PHACTR4: variants seen among roughly 807,000 people sequenced by gnomAD.
PHACTR4 encodes the protein protein phosphatase 1, regulatory subunit 124.
In PHACTR4, 51 loss-of-function variants were observed where a neutral mutation model predicts 72.7. The ratio of observed to expected loss-of-function variants is 0.70; its 90% CI spans 0.56 to 0.89. PHACTR4 has a LOEUF of 0.89. PHACTR4 is among the 40% of genes least tolerant of loss of function. The pLI is 0.00. For synonymous variants in PHACTR4, 255 were observed against 302.5 expected (o/e 0.84, Z 1.63); for missense variants, 731 against 861.8 (o/e 0.85, Z 1.90).
intron 1 of PHACTR4, among the ~76,000 whole-genome samples, chr1:28,406,435 A>G (rs536691919): frequency 6.6e-6 from 1 of 152,304 alleles, no homozygotes; most frequent in African/African-American, 2.4e-5. Flanking sequence ...AGGGGGAAAA[A>G]AAAAGCCAAG....
chr1:28,483,711 A>T (rs1025996159), intron 9 of PHACTR4, among the ~76,000 whole-genome samples: 3 of 147,906 alleles, frequency 2.0e-5, no homozygotes, highest in Non-Finnish European at 3.0e-5. Flanking sequence ...AGGCAGGAGA[A>T]TGGCATGAAC....
intron 2 of PHACTR4, among the ~76,000 whole-genome samples, chr1:28,450,617 G>A (rs540578935): frequency 6.6e-6 from 1 of 151,172 alleles, no homozygotes; most frequent in Non-Finnish European, 1.5e-5. Flanking sequence ...TGTTTTTTTT[G>A]GTTGTTTGTT....
intron 1 of PHACTR4, among the ~76,000 whole-genome samples, chr1:28,380,666 A>G (rs1180166926): frequency 6.6e-6 from 1 of 152,174 alleles, no homozygotes; most frequent in Non-Finnish European, 1.5e-5. Context: ...CCTGCAAAGG[A>G]CATGATCTTG....
At chr1:28,456,137 C>T (rs375425767) in intron 2 of PHACTR4, among the ~76,000 whole-genome samples, 3 of 152,000 alleles carry the variant, frequency 2.0e-5, no homozygotes, top group South Asian at 2.1e-4. Context: ...TTATTTGACT[C>T]GTGGTTCTGT....
chr1:28,487,518 C>CAAAAAAAA (rs796633179), intron 9 of PHACTR4, among the ~76,000 whole-genome samples: 8 of 77,264 alleles, frequency 1.0e-4, no homozygotes, highest in Middle Eastern at 7.5e-3. Context: ...GACACACACA[C>CAAAAAAAA]AAAAAAAAAA....
At chr1:28,384,344 G>A (rs1164660221) in intron 1 of PHACTR4, among the ~76,000 whole-genome samples, 5 of 152,110 alleles carry the variant, frequency 3.3e-5, no homozygotes, top group African/African-American at 9.7e-5. Flanking sequence ...TTCAGAGCTC[G>A]TTATTGGTCT....
intron 4 of PHACTR4, 125 bp downstream of exon 4, chr1:28,460,417 T>TAA: frequency 1.9e-5 from 10 of 533,046 alleles, no homozygotes; most frequent in South Asian, 8.5e-5. Context: ...GGGTGGCCTT[T>TAA]AAAAAAAAAA....
At chr1:28,464,691 C>T (rs1411016690) in intron 4 of PHACTR4, among the ~76,000 whole-genome samples, 1 of 151,956 alleles carries the variant, frequency 6.6e-6, no homozygotes, top group Non-Finnish European at 1.5e-5. Flanking sequence ...TAAGTTTGCC[C>T]TATTCGTTTG....
At chr1:28,386,495 G>T (rs890637177) in intron 1 of PHACTR4, among the ~76,000 whole-genome samples, 1 of 151,992 alleles carries the variant, frequency 6.6e-6, no homozygotes, top group South Asian at 2.1e-4. Context: ...TTTCTGTCTC[G>T]ATGATCTAAT....
At chr1:28,476,527 G>GTT (rs147125987) in intron 8 of PHACTR4, among the ~76,000 whole-genome samples, 1,783 of 139,794 alleles carry the variant, frequency 0.013, 40 homozygotes, top group African/African-American at 0.045. Flanking sequence ...TAGGTTTTTT[G>GTT]TTTTTTTTTG....
intron 1 of PHACTR4, among the ~76,000 whole-genome samples, chr1:28,401,783 A>T (rs936180497): frequency 6.6e-6 from 1 of 152,034 alleles, no homozygotes; most frequent in Non-Finnish European, 1.5e-5. Flanking sequence ...ATTTTTTTAG[A>T]GACAGGGATT....
chr1:28,422,155 A>G (rs1655550262), intron 2 of PHACTR4, among the ~76,000 whole-genome samples: 1 of 152,260 alleles, frequency 6.6e-6, no homozygotes, highest in African/African-American at 2.4e-5. Flanking sequence ...CATGTTATTC[A>G]GCATGATTTG....
intron 1 of PHACTR4, among the ~76,000 whole-genome samples, chr1:28,401,849 T>G (rs901100981): frequency 2.0e-5 from 3 of 152,160 alleles, no homozygotes; most frequent in African/African-American, 7.2e-5. Flanking sequence ...TCCTACCACT[T>G]CAGTATCTGA....
chr1:28,378,306 A>G (rs1052814990), intron 1 of PHACTR4, among the ~76,000 whole-genome samples: 2 of 148,798 alleles, frequency 1.3e-5, no homozygotes, highest in African/African-American at 5.0e-5. Flanking sequence ...GTTCGAGACC[A>G]GCCTGGCTAA....
intron 6 of PHACTR4, among the ~76,000 whole-genome samples, chr1:28,469,030 G>A (rs1209522192): frequency 6.6e-6 from 1 of 151,994 alleles, no homozygotes; most frequent in Non-Finnish European, 1.5e-5. Flanking sequence ...GTCCATGAGG[G>A]GTCCTCAACA....
chr1:28,373,477 A>G (rs1186168711), intron 1 of PHACTR4, among the ~76,000 whole-genome samples: 4 of 151,964 alleles, frequency 2.6e-5, no homozygotes, highest in African/African-American at 9.7e-5. Flanking sequence ...TTTAGTAGAG[A>G]CGGGAATTCA....
chr1:28,461,567 A>G (rs932406092), intron 4 of PHACTR4, among the ~76,000 whole-genome samples: 19 of 152,246 alleles, frequency 1.2e-4, no homozygotes, highest in Non-Finnish European at 2.6e-4. Flanking sequence ...ATTAAATTGT[A>G]TGTATTGAAG....
chr1:28,370,534 G>A (rs1651157164), intron 1 of PHACTR4, among the ~76,000 whole-genome samples: 1 of 150,878 alleles, frequency 6.6e-6, no homozygotes, highest in Non-Finnish European at 1.5e-5. Context: ...AGAACCAGTG[G>A]TGAATGGTAG....
At chr1:28,406,269 A>G (rs1386629215) in intron 1 of PHACTR4, among the ~76,000 whole-genome samples, 1 of 152,184 alleles carries the variant, frequency 6.6e-6, no homozygotes, top group African/African-American at 2.4e-5. Context: ...ATTTGTCACC[A>G]GGCTACTATA....
Sources: allele counts gnomAD v4.1 joint callset (sites outside exome capture counted in the v4.1 genomes callset), GRCh38; gene constraint gnomAD v4.1.1; transcripts MANE v1.5; gene names NCBI Gene and HGNC (gene_info 2026-07-23, HGNC 2026-07-21).